Variants in EPB41L4A observed in about 807,000 individuals in gnomAD.
EPB41L4A encodes the protein band 4.1-like protein 4A.
Under a neutral mutation model 108.6 loss-of-function variants are expected in EPB41L4A, and 100 were observed. The observed-to-expected ratio is 0.92, with a 90% CI of 0.78 to 1.09. The LOEUF is 1.09. Ranked by LOEUF, EPB41L4A falls within the 50% of genes least tolerant of loss-of-function variation. The pLI is 0.00. For synonymous variants in EPB41L4A, 319 were observed against 289.0 expected (o/e 1.10, Z -1.05); for missense variants, 1,030 against 842.7 (o/e 1.22, Z -2.75).
chr5:112,360,686 G>A (rs972168060), intron 1 of EPB41L4A, among the ~76,000 whole-genome samples: 3 of 152,194 alleles, frequency 2.0e-5, no homozygotes, highest in East Asian at 3.9e-4. Flanking sequence ...GCCTCTGCCC[G>A]GCTGCCACCC....
chr5:112,342,051 C>T (rs1478389335), intron 1 of EPB41L4A, among the ~76,000 whole-genome samples: 1 of 152,058 alleles, frequency 6.6e-6, no homozygotes, highest in Non-Finnish European at 1.5e-5. Flanking sequence ...AAACATTATG[C>T]AACTAGAAAC....
chr5:112,330,796 A>G (rs1756513183), intron 1 of EPB41L4A, among the ~76,000 whole-genome samples: 1 of 152,128 alleles, frequency 6.6e-6, no homozygotes, highest in Non-Finnish European at 1.5e-5. Flanking sequence ...CTGTGTATCA[A>G]TATATGTTAA....
Position 112,184,082 on chromosome 5 carries a change from A to C in EPB41L4A, c.1556T>G (p.Leu519Ter), listed in dbSNP as rs1231938118. 6.2e-7 allele frequency: 1 copy of C among 1,613,828 alleles called. No homozygotes were observed. The stretch of plus-strand genomic sequence containing the variant: ...TTGGTTTTTTTCCTTTTGTCTCCTT[A>C]ATACAGCTTCCCACTGAGGCGCTGA... ...VDSAPQWEAVLRRQKEKNQAD... is the reference protein window; with the variant it reads ...VDSAPQWEAV Residue 519 changes from leucine to a stop codon, truncating the protein, a stop_gained, in exon 18 of 23, where the codon TTA becomes TGA. Coordinates refer to ENST00000261486, the MANE Select transcript of EPB41L4A (RefSeq NM_022140.5). LOFTEE classifies it high-confidence loss of function.
intron 15 of EPB41L4A, among the ~76,000 whole-genome samples, chr5:112,198,947 C>G (rs1463832104): frequency 1.3e-5 from 2 of 152,104 alleles, no homozygotes; most frequent in Admixed American, 1.3e-4. Flanking sequence ...TTGTTTTAGT[C>G]TCTGCCTTTC....
intron 13 of EPB41L4A, among the ~76,000 whole-genome samples, chr5:112,208,314 A>G (rs955609429): frequency 5.3e-5 from 8 of 151,962 alleles, no homozygotes; most frequent in African/African-American, 1.9e-4. Flanking sequence ...TAGCAAGGAC[A>G]TAGAATCAGC....
At chr5:112,211,263 G>C (rs1440030181) in intron 12 of EPB41L4A, among the ~76,000 whole-genome samples, 1 of 152,044 alleles carries the variant, frequency 6.6e-6, no homozygotes, top group African/African-American at 2.4e-5. Flanking sequence ...TCTAGATTAG[G>C]AGTCAACTGG....
chr5:112,262,238 T>C (rs1751544387), intron 7 of EPB41L4A, among the ~76,000 whole-genome samples: 1 of 152,188 alleles, frequency 6.6e-6, no homozygotes. Flanking sequence ...GCTAAGCCCT[T>C]TGTATCTGTT....
chr5:112,211,257 G>C (rs939244292), intron 12 of EPB41L4A, among the ~76,000 whole-genome samples: 21 of 152,106 alleles, frequency 1.4e-4, no homozygotes, highest in Non-Finnish European at 1.8e-4. Flanking sequence ...AGTCAGTCTA[G>C]ATTAGGAGTC....
At chr5:112,226,126 G>C (rs1249474581) in intron 12 of EPB41L4A, among the ~76,000 whole-genome samples, 2 of 152,170 alleles carry the variant, frequency 1.3e-5, no homozygotes, top group Non-Finnish European at 2.9e-5. Context: ...CAGATTTCTT[G>C]TAACAGAGAC....
intron 1 of EPB41L4A, among the ~76,000 whole-genome samples, chr5:112,351,804 C>T (rs562602259): frequency 5.3e-5 from 8 of 152,246 alleles, no homozygotes; most frequent in African/African-American, 1.9e-4. Context: ...TCATGATCAA[C>T]TGGGGGGATT....
intron 1 of EPB41L4A, among the ~76,000 whole-genome samples, chr5:112,323,878 T>A (rs1293336078): frequency 6.6e-6 from 1 of 152,206 alleles, no homozygotes. Flanking sequence ...CAGATTAGCA[T>A]TAGATTTCTC....
chr5:112,394,920 G>C (rs1761227731), intron 1 of EPB41L4A, among the ~76,000 whole-genome samples: 1 of 152,038 alleles, frequency 6.6e-6, no homozygotes, highest in South Asian at 2.1e-4. Flanking sequence ...GAACAGAACA[G>C]AGCCCTCAGA....
chr5:112,325,679 A>C (rs747013184), intron 1 of EPB41L4A, among the ~76,000 whole-genome samples: 1 of 152,188 alleles, frequency 6.6e-6, no homozygotes, highest in Non-Finnish European at 1.5e-5. Context: ...AACAGCACAG[A>C]CCAATGTTCA....
At chr5:112,376,875 G>A (rs1214707064) in intron 1 of EPB41L4A, among the ~76,000 whole-genome samples, 1 of 152,148 alleles carries the variant, frequency 6.6e-6, no homozygotes, top group Non-Finnish European at 1.5e-5. Flanking sequence ...GAGTTTAAGA[G>A]GTGAAAGAGG....
intron 15 of EPB41L4A, among the ~76,000 whole-genome samples, chr5:112,199,489 T>C (rs1169175830): frequency 6.6e-6 from 1 of 152,190 alleles, no homozygotes; most frequent in Non-Finnish European, 1.5e-5. Flanking sequence ...CTTTTTGCAT[T>C]CTATCTATAC....
chr5:112,262,037 G>C (rs927504789), intron 7 of EPB41L4A, among the ~76,000 whole-genome samples: 1 of 151,736 alleles, frequency 6.6e-6, no homozygotes, highest in Non-Finnish European at 1.5e-5. Flanking sequence ...GATTACAGGC[G>C]CCCGCCACCA....
At chr5:112,370,257 A>C (rs901236717) in intron 1 of EPB41L4A, among the ~76,000 whole-genome samples, 3 of 150,566 alleles carry the variant, frequency 2.0e-5, no homozygotes, top group African/African-American at 4.9e-5. Flanking sequence ...GGCTGGTCTC[A>C]AACTCCTGGA....
chr5:112,164,647 C>G lies in EPB41L4A; in HGVS notation c.*343G>C. 6.3e-6 allele frequency: 1 copy of G among 158,286 alleles called. No individual in the cohort carries two copies. Among genetic ancestry groups the G allele is most frequent in the Non-Finnish European group, 1.4e-5 (1 of 72,466 alleles). 9.8% of individuals were successfully genotyped at this position (158,286 alleles called of 1,614,324 possible). Reference sequence around the variant, plus strand: ...TCAGGAGTTCGAGACCAGCCTCCAACATGGCAAAGCCCTGTCTCTACTAAA... The same window carrying G: ...TCAGGAGTTCGAGACCAGCCTCCAAGATGGCAAAGCCCTGTCTCTACTAAA... On this transcript the variant is annotated 3_prime_UTR_variant, in exon 23 of 23. Transcript: ENST00000261486.
At chr5:112,330,670 GC>G (rs1247716410) in intron 1 of EPB41L4A, among the ~76,000 whole-genome samples, 1 of 151,956 alleles carries the variant, frequency 6.6e-6, no homozygotes, top group Admixed American at 6.6e-5. Context: ...TTGAACCCAG[GC>G]CAGCTGGCTG....
Sources: gnomAD v4.1 joint callset for allele counts (sites outside exome capture counted in the v4.1 genomes callset) on GRCh38, gnomAD v4.1.1 for gene constraint, MANE v1.5 for transcripts, NCBI Gene and HGNC (gene_info 2026-07-23, HGNC 2026-07-21) for gene names.